Variants in DAB1 observed in about 807,000 individuals in gnomAD.
The protein encoded by DAB1 is disabled homolog 1.
A neutral mutation model predicts 64.6 loss-of-function variants in DAB1; 15 were observed. The observed-to-expected ratio is 0.23, with a 90% CI of 0.16 to 0.36. DAB1 has a LOEUF of 0.36. Among genes scored for constraint, DAB1 ranks in the 10% least tolerant of loss-of-function variants. The pLI, the probability that DAB1 is intolerant of heterozygous loss-of-function variation, is 1.00. For missense variants in DAB1, 596 were observed against 706.7 expected, an observed-to-expected ratio of 0.84 and a Z score of 1.78; for synonymous variants, 235 against 251.9, an observed-to-expected ratio of 0.93 and a Z score of 0.64.
chr1:57,113,862 T>C (rs903744210), intron 4 of DAB1, among the ~76,000 whole-genome samples: 3 of 152,212 alleles, frequency 2.0e-5, no homozygotes, highest in Non-Finnish European at 4.4e-5. Flanking sequence ...TTCCAAAGCA[T>C]GTGATCTTTC....
At chr1:57,501,446 G>A (rs1307742239) in intron 7 of DAB1, among the ~76,000 whole-genome samples, 1 of 152,110 alleles carries the variant, frequency 6.6e-6, no homozygotes, top group Admixed American at 6.6e-5. Context: ...CCCAATAGAG[G>A]CACTAGAAAT....
intron 1 of DAB1, chr1:57,878,308 A>T (rs1344226304): frequency 6.6e-6 from 1 of 152,222 alleles, no homozygotes; most frequent in East Asian, 1.9e-4. Flanking sequence ...ATCGAATACC[A>T]TAAGAGGAAT....
intron 6 of DAB1, among the ~76,000 whole-genome samples, chr1:57,732,344 G>T (rs529418532): frequency 4.6e-5 from 7 of 152,160 alleles, no homozygotes; most frequent in African/African-American, 1.7e-4. Flanking sequence ...CACTACTGTC[G>T]ACTGTGCAGT....
chr1:58,517,675 T>C (rs1443307781), intron 2 of DAB1, among the ~76,000 whole-genome samples: 4 of 152,198 alleles, frequency 2.6e-5, no homozygotes, highest in Non-Finnish European at 5.9e-5. Flanking sequence ...GAAGATATTA[T>C]GTATCCCTAT....
In DAB1 at chr1:58,397,429, A is replaced by C. The variant is rs1001555755; in HGVS notation, n.258-54026T>G. ...ACGCAGGAGACAGAAACGTCTGTGA[A>C]GGTCACATACTCCAGGGCTCAGACC... is the stretch of plus-strand genomic sequence containing the variant. On this transcript the variant is annotated intron_variant and non_coding_transcript_variant, in intron 3 of 20. Transcript: ENST00000485760. Among the ~76,000 whole-genome samples, 5 of 152,186 alleles carry C rather than the reference A, an allele frequency of 3.3e-5. No individual in the cohort carries two copies. The East Asian group carries it at 9.6e-4, about 29-fold the overall frequency.
At chr1:57,912,562 T>C (rs1476062832) in intron 5 of DAB1, among the ~76,000 whole-genome samples, 1 of 152,152 alleles carries the variant, frequency 6.6e-6, no homozygotes, top group Non-Finnish European at 1.5e-5. Context: ...TCACCACTCC[T>C]ATTCAACATA....
At chr1:57,176,241 C>G in intron 2 of DAB1, among the ~76,000 whole-genome samples, 1 of 152,090 alleles carries the variant, frequency 6.6e-6, no homozygotes, top group Non-Finnish European at 1.5e-5. Context: ...TAAAGACACA[C>G]CCAAGACTGG....
At chr1:57,925,668 G>A (rs1231296898) in intron 5 of DAB1, among the ~76,000 whole-genome samples, 1 of 152,152 alleles carries the variant, frequency 6.6e-6, no homozygotes, top group Non-Finnish European at 1.5e-5. Flanking sequence ...ATTTTCCAGA[G>A]GAGTAAACTG....
chr1:57,532,150 T>A (rs1644670139), intron 7 of DAB1, among the ~76,000 whole-genome samples: 1 of 152,162 alleles, frequency 6.6e-6, no homozygotes, highest in Admixed American at 6.5e-5. Context: ...AAACTGAAAT[T>A]GGTAAACTAT....
At chr1:57,418,055 T>A (rs770418154) in intron 1 of DAB1, among the ~76,000 whole-genome samples, 6 of 152,190 alleles carry the variant, frequency 3.9e-5, no homozygotes, top group African/African-American at 4.8e-5. Context: ...GTAACAGTTA[T>A]TTATGCATGA....
intron 7 of DAB1, among the ~76,000 whole-genome samples, chr1:57,613,912 G>A (rs1524721): frequency 0.94 from 142,517 of 152,216 alleles, 67,007 homozygotes; most frequent in East Asian, 1. Flanking sequence ...TGCTCTAGTA[G>A]AAAGGGGATA....
At chr1:57,826,774 G>A (rs1466282312) in intron 1 of DAB1, among the ~76,000 whole-genome samples, 2 of 152,202 alleles carry the variant, frequency 1.3e-5, no homozygotes, top group Non-Finnish European at 2.9e-5. Flanking sequence ...CTCAAGCTTT[G>A]TCCTCCTGGA....
chr1:57,822,336 A>G (rs1439189083), downstream of DAB1, among the ~76,000 whole-genome samples: 3 of 152,184 alleles, frequency 2.0e-5, no homozygotes, highest in African/African-American at 7.2e-5. Context: ...AGATAACTTT[A>G]AAGACCACAG....
chr1:57,569,665 G>T (rs768114583), intron 7 of DAB1, among the ~76,000 whole-genome samples: 15 of 151,678 alleles, frequency 9.9e-5, no homozygotes, highest in Non-Finnish European at 1.6e-4. Flanking sequence ...GTTAATGGGG[G>T]CATCACACCA....
At chr1:57,726,490 A>G (rs1354465145) in intron 6 of DAB1, among the ~76,000 whole-genome samples, 55 of 152,226 alleles carry the variant, frequency 3.6e-4, no homozygotes. Context: ...GAGGCCACAG[A>G]GAAAGGCAGG....
At chr1:57,805,013 A>G (rs1651298269) in intron 6 of DAB1, among the ~76,000 whole-genome samples, 1 of 152,224 alleles carries the variant, frequency 6.6e-6, no homozygotes, top group Non-Finnish European at 1.5e-5. Context: ...CTGCTCATTA[A>G]AAGGTAAACT....
chr1:57,834,557 A>AAT (rs1652726079), intron 1 of DAB1, among the ~76,000 whole-genome samples: 1 of 152,090 alleles, frequency 6.6e-6, no homozygotes, highest in East Asian at 1.9e-4. Flanking sequence ...CTGTGAAGGG[A>AAT]ATATATATAT....
intron 1 of DAB1, among the ~76,000 whole-genome samples, chr1:57,846,172 CA>C (rs1410270175): frequency 6.6e-6 from 1 of 151,948 alleles, no homozygotes; most frequent in African/African-American, 2.4e-5. Context: ...ATTAAAAATT[CA>C]ATGTGGCCAG....
chr1:58,119,155 T>C (rs1234921289), intron 5 of DAB1, among the ~76,000 whole-genome samples: 1 of 152,130 alleles, frequency 6.6e-6, no homozygotes, highest in South Asian at 2.1e-4. Flanking sequence ...TGAACAAATA[T>C]TTATCTGCAA....
Sources: gnomAD v4.1 joint callset for allele counts (sites outside exome capture counted in the v4.1 genomes callset) on GRCh38, gnomAD v4.1.1 for gene constraint, MANE v1.5 for transcripts, NCBI Gene and HGNC (gene_info 2026-07-23, HGNC 2026-07-21) for gene names.